WWOX: variants seen among roughly 807,000 people sequenced by gnomAD.
WWOX encodes the protein WW domain containing oxidoreductase, also known as WW domain-containing oxidoreductase.
A neutral mutation model predicts 46.2 loss-of-function variants in WWOX; 69 were observed. The ratio of observed to expected loss-of-function variants is 1.49; its 90% CI spans 1.23 to 1.82. The LOEUF is 1.82. Among genes scored for constraint, WWOX ranks in the 40% most tolerant of loss-of-function variants. The pLI, the probability that WWOX is intolerant of heterozygous loss-of-function variation, is 0.00. For missense variants in WWOX, 919 were observed against 542.6 expected (o/e 1.69, Z -6.89); for synonymous variants, 359 against 202.6 (o/e 1.77, Z -6.56).
intron 8 of WWOX, among the ~76,000 whole-genome samples, chr16:78,770,787 C>T (rs553999226): frequency 2.2e-3 from 143 of 64,230 alleles, no homozygotes; most frequent in Middle Eastern, 0.011. Context: ...CGTCCGCTGG[C>T]AAAGGGGAAA....
chr16:78,772,934 A>G (rs552839398), intron 8 of WWOX, among the ~76,000 whole-genome samples: 2 of 152,274 alleles, frequency 1.3e-5, no homozygotes, highest in South Asian at 4.1e-4. Flanking sequence ...TGGAGGTGGG[A>G]GGATTGCTTG....
intron 8 of WWOX, among the ~76,000 whole-genome samples, chr16:78,975,059 C>T (rs1207726318): frequency 6.6e-6 from 1 of 152,168 alleles, no homozygotes; most frequent in Admixed American, 6.5e-5. Flanking sequence ...ATTGTCAAGG[C>T]TGGGCCCCTG....
At chr16:78,884,372 A>T (rs1041715660) in intron 8 of WWOX, among the ~76,000 whole-genome samples, 3 of 151,838 alleles carry the variant, frequency 2.0e-5, no homozygotes, top group South Asian at 4.2e-4. Context: ...GAGTGTGTTT[A>T]GCAGCATTAT....
In WWOX at chr16:79,212,064, T is replaced by TTGGC. The variant is rs2051780690; in HGVS notation, c.*268_*269insTGGC. On this transcript the variant is annotated 3_prime_UTR_variant, in exon 9 of 9. Coordinates refer to ENST00000566780, the MANE Select transcript of WWOX (RefSeq NM_016373.4). Reference sequence around the variant, plus strand: ...TGTTTGAAAGTAAAAACCTGCTTGGTGTGTAGGTTCCGTATCTCCCTGGAG... The same window carrying TTGGC: ...TGTTTGAAAGTAAAAACCTGCTTGGTTGGCGTGTAGGTTCCGTATCTCCCTGGAG... 6.5e-7 allele frequency: 1 copy of TTGGC among 1,535,768 alleles called. No homozygotes were observed. Among genetic ancestry groups the TTGGC allele is most frequent in the Non-Finnish European group, 8.7e-7 (1 of 1,146,790 alleles).
In WWOX at chr16:78,329,234, C is replaced by T. The variant is rs540304108; in HGVS notation, c.517-57626C>T. On this transcript the variant is annotated intron_variant, in intron 5 of 8. Transcript: ENST00000566780. The stretch of plus-strand genomic sequence containing the variant: ...AACCCCATGGTATCGGTGGACTGAA[C>T]GTTTGGTTCTCATTTCCTTGAGATG... Among the ~76,000 whole-genome samples, 11 of 152,200 alleles carry T rather than the reference C, an allele frequency of 7.2e-5. No homozygotes were observed. The South Asian group carries it at 1.7e-3, about 23-fold the overall frequency.
intron 8 of WWOX, among the ~76,000 whole-genome samples, chr16:78,991,865 G>C (rs984904746): frequency 2.6e-5 from 4 of 152,010 alleles, no homozygotes; most frequent in African/African-American, 9.7e-5. Flanking sequence ...GTCCATGTGG[G>C]GCCCTGTGGT....
chr16:78,223,315 C>T (rs1334219218), intron 5 of WWOX, among the ~76,000 whole-genome samples: 6 of 152,076 alleles, frequency 3.9e-5, no homozygotes, highest in Non-Finnish European at 7.3e-5. Context: ...AATGCACAGG[C>T]GCATCCTACA....
chr16:78,449,529 C>T (rs976596552), intron 8 of WWOX, among the ~76,000 whole-genome samples: 2 of 152,166 alleles, frequency 1.3e-5, no homozygotes, highest in Admixed American at 6.5e-5. Flanking sequence ...GATGATTTTT[C>T]TTGACCTGCC....
intron 8 of WWOX, among the ~76,000 whole-genome samples, chr16:78,991,785 A>G (rs991389027): frequency 2.0e-5 from 3 of 152,060 alleles, no homozygotes; most frequent in Non-Finnish European, 4.4e-5. Context: ...CCGTGTTCCC[A>G]TAAGCTTTCA....
At chr16:78,214,917 A>G (rs2151791704) in intron 5 of WWOX, among the ~76,000 whole-genome samples, 1 of 152,286 alleles carries the variant, frequency 6.6e-6, no homozygotes, top group Admixed American at 6.5e-5. Context: ...AGTTCTACTG[A>G]TATGACAGTA....
intron 8 of WWOX, among the ~76,000 whole-genome samples, chr16:78,985,044 C>G (rs1370572093): frequency 6.6e-6 from 1 of 152,180 alleles, no homozygotes; most frequent in East Asian, 1.9e-4. Context: ...CTTGCCCCCT[C>G]CACCCCGCTC....
At chr16:79,084,891 C>T in intron 8 of WWOX, among the ~76,000 whole-genome samples, 1 of 152,166 alleles carries the variant, frequency 6.6e-6, no homozygotes, top group East Asian at 1.9e-4. Flanking sequence ...GACACGGTCA[C>T]CCTGTCTAGG....
chr16:78,176,196 C>G lies in WWOX; in HGVS notation c.516+11907C>G, dbSNP rs530419939. ...TGGCTGCATTCTCATCAGAACCCAGCTAAAACTCACGTCTCTCAAATTCCC... is the reference window on the plus strand; with the variant it reads ...TGGCTGCATTCTCATCAGAACCCAGGTAAAACTCACGTCTCTCAAATTCCC... On this transcript the variant is annotated intron_variant, in intron 5 of 8. Coordinates refer to ENST00000566780, the MANE Select transcript of WWOX (RefSeq NM_016373.4). Among the ~76,000 whole-genome samples, 11 of 152,298 alleles carry G rather than the reference C, an allele frequency of 7.2e-5. No homozygotes were observed. In the South Asian group the frequency reaches 2.1e-3, roughly 29 times the overall value.
At chr16:78,712,083 A>G (rs2048456187) in intron 8 of WWOX, among the ~76,000 whole-genome samples, 1 of 152,184 alleles carries the variant, frequency 6.6e-6, no homozygotes, top group Non-Finnish European at 1.5e-5. Context: ...GATGTCTTAT[A>G]TCCATTCCTG....
Position 78,881,239 on chromosome 16 carries a change from A to G in WWOX, c.1057-330369A>G, listed in dbSNP as rs149120746. On this transcript the variant is annotated intron_variant, in intron 8 of 8. Transcript: ENST00000566780. Reference sequence around the variant, plus strand: ...GCTGGTCTCAAAACTCCTGGGCTCAAGCGATTCACGTGCCTCAGCCTCCCA... The same window carrying G: ...GCTGGTCTCAAAACTCCTGGGCTCAGGCGATTCACGTGCCTCAGCCTCCCA... 9.4e-3 allele frequency among the ~76,000 whole-genome samples: 1,435 copies of G among 152,182 alleles called. 12 individuals carry two copies. The highest frequency in any genetic ancestry group is 0.011 in the Non-Finnish European group (716 of 68,000).
chr16:79,073,239 G>T (rs566451361), intron 8 of WWOX, among the ~76,000 whole-genome samples: 1 of 151,488 alleles, frequency 6.6e-6, no homozygotes, highest in South Asian at 2.1e-4. Context: ...GAGTGAAATG[G>T]CACGATCGCA....
At position 78,979,496 on chromosome 16, in the gene WWOX, C is replaced by G. The variant is rs1366716803; in HGVS notation, c.1057-232112C>G. 4.6e-5 allele frequency among the ~76,000 whole-genome samples: 7 copies of G among 152,118 alleles called. 1 individual carries two copies. Among genetic ancestry groups the G allele is most frequent in the Non-Finnish European group, 8.8e-5 (6 of 68,024 alleles). On this transcript the variant is annotated intron_variant, in intron 8 of 8. Transcript: ENST00000566780. ...GGCCACTGCATGATTTTGCTCAGGA[C>G]TGAATTAGAGGCAGGTGAAAGGCCC... is the stretch of plus-strand genomic sequence containing the variant.
intron 8 of WWOX, among the ~76,000 whole-genome samples, chr16:79,062,116 C>G (rs983031555): frequency 2.0e-5 from 3 of 152,136 alleles, no homozygotes; most frequent in Admixed American, 6.5e-5. Context: ...TCTCATAGCA[C>G]AGAATGACTG....
At chr16:78,759,151 G>C (rs75794784) in intron 8 of WWOX, among the ~76,000 whole-genome samples, 2,426 of 152,212 alleles carry the variant, frequency 0.016, 42 homozygotes, top group African/African-American at 0.051. Context: ...TTTCAGTGAA[G>C]TTATATGTGG....
Sources: allele counts gnomAD v4.1 joint callset (sites outside exome capture counted in the v4.1 genomes callset), GRCh38; gene constraint gnomAD v4.1.1; transcripts MANE v1.5; gene names NCBI Gene and HGNC (gene_info 2026-07-23, HGNC 2026-07-21).